EXOC6: variants seen among roughly 807,000 people sequenced by gnomAD.
EXOC6 encodes the protein exocyst complex component 6, also known as SEC15-like 1.
A neutral mutation model predicts 112.5 loss-of-function variants in EXOC6; 60 were observed. The observed-to-expected ratio is 0.53, with a 90% CI of 0.43 to 0.66. The LOEUF (loss-of-function observed/expected upper bound fraction) is 0.66. Among genes scored for constraint, EXOC6 ranks in the 30% least tolerant of loss-of-function variants. The pLI is 0.00. For synonymous variants in EXOC6, 295 were observed against 308.0 expected, an observed-to-expected ratio of 0.96 and a Z score of 0.44; for missense variants, 855 against 957.1, an observed-to-expected ratio of 0.89 and a Z score of 1.41.
At chr10:92,945,228 CTTCTA>C (rs1852918534) in intron 13 of EXOC6, among the ~76,000 whole-genome samples, 1 of 151,990 alleles carries the variant, frequency 6.6e-6, no homozygotes, top group South Asian at 2.1e-4. Context: ...TATTTGTTTT[CTTCTA>C]TTGAGTTGAG....
intron 17 of EXOC6, among the ~76,000 whole-genome samples, chr10:92,968,720 A>G (rs1842167214): frequency 6.6e-6 from 1 of 152,184 alleles, no homozygotes. Flanking sequence ...GGTGCCAATT[A>G]CTGTTAGGTA....
chr10:93,015,834 C>T (rs1844485499), intron 20 of EXOC6, among the ~76,000 whole-genome samples: 1 of 151,820 alleles, frequency 6.6e-6, no homozygotes, highest in South Asian at 2.1e-4. Flanking sequence ...CAAATTATGT[C>T]TGTAAAGTAT....
chr10:92,964,877 G>A (rs1564868324), intron 17 of EXOC6, among the ~76,000 whole-genome samples: 1 of 152,164 alleles, frequency 6.6e-6, no homozygotes, highest in East Asian at 1.9e-4. Context: ...GTTCCCAGCA[G>A]CTCTAGGCTG....
intron 12 of EXOC6, among the ~76,000 whole-genome samples, chr10:92,938,424 T>A (rs1212124039): frequency 2.0e-5 from 3 of 152,128 alleles, no homozygotes; most frequent in Non-Finnish European, 4.4e-5. Context: ...ATTGAAGAAC[T>A]GGTAAGTGTC....
chr10:92,951,124 G>C (rs1024949462), intron 14 of EXOC6, among the ~76,000 whole-genome samples: 2 of 152,146 alleles, frequency 1.3e-5, no homozygotes, highest in African/African-American at 2.4e-5. Context: ...TTCACTTTTG[G>C]ATCTATTGAG....
intron 1 of EXOC6, among the ~76,000 whole-genome samples, chr10:92,883,888 TC>T (rs1336100943): frequency 6.0e-5 from 9 of 149,402 alleles, no homozygotes; most frequent in African/African-American, 1.2e-4. Flanking sequence ...TTCTTTTTGT[TC>T]TTTTCTTTTC....
intron 18 of EXOC6, among the ~76,000 whole-genome samples, chr10:92,981,829 C>T (rs1383998724): frequency 6.6e-6 from 1 of 152,048 alleles, no homozygotes; most frequent in African/African-American, 2.4e-5. Context: ...AAAAAAAAGA[C>T]ATGATCGGCT....
intron 19 of EXOC6, among the ~76,000 whole-genome samples, chr10:93,009,042 C>T (rs115296036): frequency 0.012 from 1,755 of 151,974 alleles, 32 homozygotes; most frequent in African/African-American, 0.041. Flanking sequence ...CAACATAGTC[C>T]CCCTGTCTCT....
At chr10:93,035,607 C>T (rs1339688332) in intron 20 of EXOC6, among the ~76,000 whole-genome samples, 1 of 152,210 alleles carries the variant, frequency 6.6e-6, no homozygotes, top group Non-Finnish European at 1.5e-5. Context: ...GTAATCCCAA[C>T]ACTTAGGGAG....
intron 18 of EXOC6, among the ~76,000 whole-genome samples, chr10:92,990,048 G>C (rs891358751): frequency 1.6e-4 from 25 of 151,932 alleles, no homozygotes; most frequent in African/African-American, 6.0e-4. Context: ...CCCTGTATTG[G>C]AAAGAGTTAA....
intron 20 of EXOC6, among the ~76,000 whole-genome samples, chr10:93,047,269 G>C (rs545551770): frequency 6.6e-6 from 1 of 152,284 alleles, no homozygotes; most frequent in East Asian, 1.9e-4. Context: ...AGGCACGGTG[G>C]CTCACGCCTA....
chr10:92,844,292 C>T (rs1001620852), upstream of EXOC6, among the ~76,000 whole-genome samples: 6 of 152,166 alleles, frequency 3.9e-5, no homozygotes, highest in East Asian at 1.9e-4. Context: ...GTGAACAATA[C>T]AGGCATCGTC....
intron 20 of EXOC6, among the ~76,000 whole-genome samples, chr10:93,037,779 C>T (rs1224072862): frequency 3.5e-5 from 5 of 141,514 alleles, no homozygotes; most frequent in East Asian, 2.5e-4. Context: ...GGGCCGGGTG[C>T]GGTGGCTCAC....
chr10:92,848,593 G>A lies in EXOC6; in HGVS notation c.60G>A (p.Glu20=), dbSNP rs1478787525. The A allele has an allele frequency of 2.1e-6, 3 of 1,454,860 alleles. No homozygotes were observed. Among genetic ancestry groups the A allele is most frequent in the South Asian group, 1.2e-5 (1 of 82,054 alleles). 90.1% of individuals were successfully genotyped at this position (1,454,860 alleles called of 1,614,324 possible). ...TVPEHERILQ[E]IESTDTACVG... ...CCGAGCACGAGCGGATCTTGCAGGAGATCGAGAGCACCGACACCGCCTGTG... is the reference window on the plus strand; with the variant it reads ...CCGAGCACGAGCGGATCTTGCAGGAAATCGAGAGCACCGACACCGCCTGTG... Residue 20 remains glutamate (E), a synonymous_variant, in exon 1 of 22, where the codon GAG becomes GAA. Transcript: ENST00000260762.
intron 9 of EXOC6, among the ~76,000 whole-genome samples, chr10:92,933,214 TA>T (rs1387700725): frequency 3.3e-5 from 5 of 152,050 alleles, no homozygotes; most frequent in African/African-American, 1.2e-4. Context: ...CAAGGAGAAA[TA>T]GAAAAATCCA....
At chr10:92,847,131 C>T (rs1431145256), upstream of EXOC6, among the ~76,000 whole-genome samples, 1 of 152,212 alleles carries the variant, frequency 6.6e-6, no homozygotes, top group East Asian at 1.9e-4. Flanking sequence ...AGACCTGTGA[C>T]AGACTTCTAA....
intron 1 of EXOC6, among the ~76,000 whole-genome samples, chr10:92,889,161 T>C (rs142869662): frequency 6.6e-6 from 1 of 152,184 alleles, no homozygotes; most frequent in African/African-American, 2.4e-5. Context: ...CTGGTTCACT[T>C]GTTTAACGAG....
chr10:92,932,560 A>C (rs192748457), intron 9 of EXOC6, among the ~76,000 whole-genome samples: 2 of 152,262 alleles, frequency 1.3e-5, no homozygotes, highest in East Asian at 3.9e-4. Flanking sequence ...TTCAATTCTG[A>C]AAAAAGTAAC....
At chr10:92,975,518 G>C (rs1165863523) in intron 18 of EXOC6, among the ~76,000 whole-genome samples, 2 of 149,498 alleles carry the variant, frequency 1.3e-5, no homozygotes. Flanking sequence ...CCGTCCAGGA[G>C]GGAGGTGGGG....
Sources: gnomAD v4.1 joint callset for allele counts (sites outside exome capture counted in the v4.1 genomes callset) on GRCh38, gnomAD v4.1.1 for gene constraint, MANE v1.5 for transcripts, NCBI Gene and HGNC (gene_info 2026-07-23, HGNC 2026-07-21) for gene names.